RIOK2: variants seen among roughly 807,000 people sequenced by gnomAD.
RIOK2 encodes RIO kinase 2.
A neutral mutation model predicts 62.4 loss-of-function variants in RIOK2; 46 were observed. That is an observed-to-expected ratio of 0.74 (90% CI 0.58 to 0.94). The LOEUF is 0.94. Ranked by LOEUF, RIOK2 falls within the 40% of genes least tolerant of loss-of-function variation. The probability of loss-of-function intolerance (pLI) is 0.00; values close to 1 mark genes in which losing one functional copy is unlikely to be tolerated. For missense variants in RIOK2, 574 were observed against 658.0 expected (o/e 0.87, Z 1.40); for synonymous variants, 197 against 216.0 (o/e 0.91, Z 0.77).
chr5:97,183,158 TGTA>T lies in RIOK2; in HGVS notation c.31_33del (p.Tyr11del). On this transcript the variant is annotated inframe_deletion, in exon 1 of 10. Coordinates refer to ENST00000283109, the MANE Select transcript of RIOK2 (RefSeq NM_018343.3). ...AAGACCCTGAAGTCATCTCGGCTCA[TGTA>T]ACGCAACTTGGCCACATTCACTTTC... 6.2e-7 allele frequency: 1 copy of T among 1,614,122 alleles called. No homozygotes were observed. Among genetic ancestry groups the T allele is most frequent in the Non-Finnish European group, 8.5e-7 (1 of 1,179,990 alleles).
Position 97,183,149 on chromosome 5 carries a change from C to G in RIOK2, c.43G>C (p.Asp15His). ...ACCGCGGTCAAGACCCTGAAGTCAT[C>G]TCGGCTCATGTAACGCAACTTGGCC... ...NVAKLRYMSR[D>H]DFRVLTAVEM... The change falls in exon 1 of 10, where the codon GAT (aspartate) becomes CAT (histidine). Residue 15 changes from aspartate (D) to histidine (H), a missense_variant. By Grantham distance (81) the Asp-to-His change is moderately conservative. Coordinates refer to ENST00000283109, the MANE Select transcript of RIOK2 (RefSeq NM_018343.3). The G allele has an allele frequency of 6.2e-7, 1 of 1,614,138 alleles. No homozygotes were observed. Among genetic ancestry groups the G allele is most frequent in the Non-Finnish European group, 8.5e-7 (1 of 1,180,006 alleles).
chr5:97,167,775 C>T lies in RIOK2; in HGVS notation c.1089G>A (p.Glu363=). 1.2e-6 allele frequency: 2 copies of T among 1,614,128 alleles called. No homozygotes were observed. Among genetic ancestry groups the T allele is most frequent in the Non-Finnish European group, 1.7e-6 (2 of 1,180,004 alleles). Residue 363 remains glutamate, a synonymous_variant, in exon 8 of 10, where the codon GAG becomes GAA. Coordinates refer to ENST00000283109, the MANE Select transcript of RIOK2 (RefSeq NM_018343.3). ...CTCCAGATGATCTGCAATAGCAGCC[C>T]TCTGATTCTTCTAGACAGTTCCGTT... ...ESERNCLEES[E]GCYCRSSGDP...
Position 97,167,996 on chromosome 5 carries a change from A to G in RIOK2, c.873-5T>C. 6.4e-7 allele frequency: 1 copy of G among 1,565,392 alleles called. No homozygotes were observed. The highest frequency in any genetic ancestry group is 8.6e-7 in the Non-Finnish European group (1 of 1,164,812). The stretch of plus-strand genomic sequence containing the variant: ...ACATCAAGAGTGTCTTCTCTCCTAG[A>G]AAAAAAAGGCGTCAAGCATAGAAAG... On this transcript the variant is annotated splice_region_variant and splice_polypyrimidine_tract_variant and intron_variant, in intron 7 of 9. Coordinates refer to ENST00000283109, the MANE Select transcript of RIOK2 (RefSeq NM_018343.3).
intron 1 of RIOK2, among the ~76,000 whole-genome samples, chr5:97,179,978 A>ATATATATAT: frequency 4.5e-5 from 1 of 22,132 alleles, no homozygotes; most frequent in African/African-American, 1.3e-4. Context: ...TATATATATA[A>ATATATATAT]TATATATATA....
intron 8 of RIOK2, chr5:97,167,118 T>C (rs888849331): frequency 4.0e-6 from 3 of 746,856 alleles, no homozygotes; most frequent in Non-Finnish European, 5.1e-6. Flanking sequence ...GGTTTTGCCA[T>C]GTTGGCCTGG....
In RIOK2 at chr5:97,173,250, C is replaced by A; in HGVS notation, c.512G>T (p.Arg171Met). ...EFAYMKALYERKFPVPKPIDY... is the reference protein window; with the variant it reads ...EFAYMKALYEMKFPVPKPIDY... Reference sequence around the variant, plus strand: ...AATTGGCTTTGGAACTGGAAATTTCCTCTCATACAATGCCTAAAATGTTGC... The same window carrying A: ...AATTGGCTTTGGAACTGGAAATTTCATCTCATACAATGCCTAAAATGTTGC... Residue 171 changes from arginine to methionine, a missense_variant, in exon 5 of 10, where the codon AGG becomes ATG. By Grantham distance (91) the Arg-to-Met change is moderately conservative (BLOSUM62 -1). Transcript: ENST00000283109. 6.2e-7 allele frequency: 1 copy of A among 1,612,426 alleles called. No homozygotes were observed. Among genetic ancestry groups the A allele is most frequent in the Non-Finnish European group, 8.5e-7 (1 of 1,178,958 alleles).
In RIOK2 at chr5:97,162,945, G is replaced by A; in HGVS notation, c.*116C>T. The A allele has an allele frequency of 1.2e-6, 1 of 838,080 alleles. No individual in the cohort carries two copies. The highest frequency in any genetic ancestry group is 3.6e-4 in the Middle Eastern group (1 of 2,770). 51.9% of individuals were successfully genotyped at this position (838,080 alleles called of 1,614,324 possible). On this transcript the variant is annotated 3_prime_UTR_variant, in exon 10 of 10. Transcript: ENST00000283109. ...TGAATGACCAAATTTATAGATGAAA[G>A]AGGGTTTATTTATTAATATATGATA... is the stretch of plus-strand genomic sequence containing the variant.
chr5:97,182,215 C>T (rs1280819467), intron 1 of RIOK2, among the ~76,000 whole-genome samples: 1 of 152,202 alleles, frequency 6.6e-6, no homozygotes, highest in Non-Finnish European at 1.5e-5. Context: ...TGATTAAAAA[C>T]ATTTAGTGGT....
rs763705279 is a variant in RIOK2, at chr5:97,177,305, T to A, written c.323-14A>T. The A allele has an allele frequency of 5.1e-5, 81 of 1,599,350 alleles. No individual in the cohort carries two copies. In the Middle Eastern group the frequency reaches 8.6e-4, roughly 17 times the overall value. On this transcript the variant is annotated splice_polypyrimidine_tract_variant and intron_variant, in intron 3 of 9. Coordinates refer to ENST00000283109, the MANE Select transcript of RIOK2 (RefSeq NM_018343.3). ...CAATGTAAATATCTAGAGACAAAATTTCAAAAACAACCATTATTACACGTT... is the reference window on the plus strand; with the variant it reads ...CAATGTAAATATCTAGAGACAAAATATCAAAAACAACCATTATTACACGTT...
chr5:97,175,472 A>G (rs982376542), intron 4 of RIOK2, among the ~76,000 whole-genome samples: 4 of 152,196 alleles, frequency 2.6e-5, no homozygotes, highest in Non-Finnish European at 5.9e-5. Context: ...ATGTGCAACC[A>G]GATTCCATTC....
At chr5:97,179,742 C>T (rs1052829216) in intron 1 of RIOK2, among the ~76,000 whole-genome samples, 3 of 114,604 alleles carry the variant, frequency 2.6e-5, no homozygotes, top group Non-Finnish European at 4.9e-5. Context: ...TTTTCTCACT[C>T]ATAAGTGGGA....
chr5:97,180,171 A>C (rs1420371458), intron 1 of RIOK2, among the ~76,000 whole-genome samples: 1 of 76,750 alleles, frequency 1.3e-5, no homozygotes, highest in Non-Finnish European at 2.8e-5. Flanking sequence ...TGTGCTTTTT[A>C]CCTCTGAGAA....
At chr5:97,170,356 G>A (rs575427406) in intron 6 of RIOK2, among the ~76,000 whole-genome samples, 5 of 152,266 alleles carry the variant, frequency 3.3e-5, no homozygotes, top group African/African-American at 1.2e-4. Flanking sequence ...CAGAGATAAA[G>A]TTTTATGTGA....
rs1749208009 is a variant in RIOK2 at position 97,177,727 on chromosome 5, C to T, written c.322+5G>A. 1 of 1,538,166 alleles carries T rather than the reference C, an allele frequency of 6.5e-7. No individual in the cohort carries two copies. Among genetic ancestry groups the T allele is most frequent in the Non-Finnish European group, 9.0e-7 (1 of 1,111,244 alleles). On this transcript the variant is annotated splice_donor_5th_base_variant and intron_variant, in intron 3 of 9. Coordinates refer to ENST00000283109, the MANE Select transcript of RIOK2 (RefSeq NM_018343.3). ...AATACTTTGCACAGTACTATTAGCA[C>T]TTACCTGATTCTTTGCCAACACCCA...
rs751737071 is a variant in RIOK2 at position 97,179,145 on chromosome 5, C to T, written c.115G>A (p.Ala39Thr). 1.9e-6 allele frequency: 3 copies of T among 1,613,664 alleles called. No individual in the cohort carries two copies. In the African/African-American group the frequency reaches 4.0e-5, roughly 22 times the overall value. ...NHEIVPGSLI[A>T]SIASLKHGGC... ...CCATGTTTAAGGCTGGCTATAGAAG[C>T]AATCAAACTGCCGGGAACAATTTCA... The change falls in exon 2 of 10, where the codon GCT becomes ACT. Residue 39 changes from alanine (A) to threonine (T), a missense_variant. By Grantham distance (58) the Ala-to-Thr change is moderately conservative. Coordinates refer to ENST00000283109, the MANE Select transcript of RIOK2 (RefSeq NM_018343.3).
At chr5:97,164,309 T>C (rs1279404686) in intron 9 of RIOK2, among the ~76,000 whole-genome samples, 2 of 152,006 alleles carry the variant, frequency 1.3e-5, no homozygotes, top group Non-Finnish European at 2.9e-5. Context: ...GAGACCAGCC[T>C]GGCCAACATG....
At position 97,179,039 on chromosome 5, in the gene RIOK2, G is replaced by C; in HGVS notation, c.205+16C>G. ...AATTACCTGAAAAATCACAAATGGT[G>C]CCTCAAAATACTTACTTTTGGTACG... On this transcript the variant is annotated intron_variant, in intron 2 of 9. Coordinates refer to ENST00000283109, the MANE Select transcript of RIOK2 (RefSeq NM_018343.3). The C allele has an allele frequency of 6.2e-7, 1 of 1,613,506 alleles. No individual in the cohort carries two copies. Among genetic ancestry groups the C allele is most frequent in the Non-Finnish European group, 8.5e-7 (1 of 1,179,740 alleles).
rs552094023 is a variant in RIOK2, at chr5:97,168,033, G to A, written c.873-42C>T. The A allele has an allele frequency of 4.5e-5, 68 of 1,522,412 alleles. No individual in the cohort carries two copies. The South Asian group carries it at 6.9e-4, about 15-fold the overall frequency. 94.3% of individuals were successfully genotyped at this position (1,522,412 alleles called of 1,614,324 possible). A position where few individuals can be genotyped will look rare whatever the true frequency, so the allele number is the denominator to read the frequency against. On this transcript the variant is annotated intron_variant, in intron 7 of 9. Coordinates refer to ENST00000283109, the MANE Select transcript of RIOK2 (RefSeq NM_018343.3). The stretch of plus-strand genomic sequence containing the variant: ...TCAAGCATAGAAAGAGAGAAAAAAT[G>A]TTTATCTAAGAGGAGCAAATATCTA...
chr5:97,168,007 G>A lies in RIOK2; in HGVS notation c.873-16C>T, dbSNP rs777924017. The A allele has an allele frequency of 4.5e-5, 70 of 1,563,920 alleles. No individual in the cohort carries two copies. Among genetic ancestry groups the A allele is most frequent in the African/African-American group, 8.2e-5 (6 of 72,914 alleles). On this transcript the variant is annotated splice_polypyrimidine_tract_variant and intron_variant, in intron 7 of 9. Transcript: ENST00000283109. ...GTCTTCTCTCCTAGAAAAAAAAGGC[G>A]TCAAGCATAGAAAGAGAGAAAAAAT...
Sources: allele counts gnomAD v4.1 joint callset (sites outside exome capture counted in the v4.1 genomes callset), GRCh38; gene constraint gnomAD v4.1.1; transcripts MANE v1.5; gene names NCBI Gene and HGNC (gene_info 2026-07-23, HGNC 2026-07-21).